Variants in ZYG11B observed in about 807,000 individuals in gnomAD.
ZYG11B encodes the protein zyg-11 family member B, cell cycle regulator.
ZYG11B carries 36 observed loss-of-function variants against 82.4 expected under a neutral mutation model. The ratio of observed to expected loss-of-function variants is 0.44; its 90% CI spans 0.33 to 0.58. The LOEUF is 0.58. Ranked by LOEUF, ZYG11B falls within the 20% of genes least tolerant of loss-of-function variation. The pLI is 0.02. For missense variants in ZYG11B, 552 were observed against 895.6 expected (o/e 0.62, Z 4.90); for synonymous variants, 303 against 312.8 (o/e 0.97, Z 0.33).
At position 52,796,511 on chromosome 1, in the gene ZYG11B, C is replaced by T. The variant is rs970512487; in HGVS notation, c.1434+120C>T. The stretch of plus-strand genomic sequence containing the variant: ...AAATCTCTCTGCCAGCCTGCTTATT[C>T]AAGCTACATTCGATATTGCAGAATT... On this transcript the variant is annotated intron_variant, in intron 7 of 13. Coordinates refer to ENST00000294353, the MANE Select transcript of ZYG11B (RefSeq NM_024646.3). 1.2e-5 allele frequency: 12 copies of T among 971,250 alleles called. No individual in the cohort carries two copies. In the Admixed American group the frequency reaches 2.3e-4, roughly 18 times the overall value. The allele number at this position is 971,250 out of a possible 1,614,324, so 60.2% of individuals were successfully genotyped here.
At chr1:52,797,126 TTA>T (rs1312051692) in intron 8 of ZYG11B, among the ~76,000 whole-genome samples, 1 of 67,954 alleles carries the variant, frequency 1.5e-5, no homozygotes, top group Non-Finnish European at 2.1e-5. Context: ...ATATTATATA[TTA>T]TATATTTATA....
chr1:52,817,777 G>GTGTGTATATATATATATA (rs1352242565), intron 13 of ZYG11B, among the ~76,000 whole-genome samples: 18 of 41,522 alleles, frequency 4.3e-4, no homozygotes, highest in Admixed American at 8.7e-4. Context: ...ATATATATGT[G>GTGTGTATATATATATATA]TATATATATA....
At chr1:52,745,078 A>G (rs1327573103) in intron 1 of ZYG11B, among the ~76,000 whole-genome samples, 2 of 152,224 alleles carry the variant, frequency 1.3e-5, no homozygotes, top group African/African-American at 4.8e-5. Context: ...TCTGAAGTCC[A>G]CAAGTGCTCA....
At chr1:52,727,484 T>TA (rs2149914798) in intron 1 of ZYG11B, among the ~76,000 whole-genome samples, 1 of 152,328 alleles carries the variant, frequency 6.6e-6, no homozygotes, top group African/African-American at 2.4e-5. Context: ...CAGAAATAGC[T>TA]AAAAAATGTT....
chr1:52,787,830 A>C (rs991777921), intron 5 of ZYG11B, among the ~76,000 whole-genome samples: 6 of 151,944 alleles, frequency 3.9e-5, no homozygotes, highest in Non-Finnish European at 8.8e-5. Context: ...TTCACCTATT[A>C]GTTGGAAATG....
intron 2 of ZYG11B, among the ~76,000 whole-genome samples, chr1:52,763,400 A>T (rs1307186880): frequency 6.6e-6 from 1 of 152,172 alleles, no homozygotes; most frequent in Non-Finnish European, 1.5e-5. Context: ...GTATAAAAGC[A>T]GTTTCTTTTA....
At chr1:52,730,594 G>A (rs1398785618) in intron 1 of ZYG11B, among the ~76,000 whole-genome samples, 1 of 152,206 alleles carries the variant, frequency 6.6e-6, no homozygotes, top group Non-Finnish European at 1.5e-5. Context: ...CTCCCAAAGT[G>A]CTGGGATTAC....
At chr1:52,813,408 C>T (rs1645200090) in intron 10 of ZYG11B, 128 bp from the exon 11 acceptor site, 1 of 715,666 alleles carries the variant, frequency 1.4e-6, no homozygotes, top group Admixed American at 3.0e-5. Flanking sequence ...CATTTGAATA[C>T]TTTCTCTCAG....
intron 10 of ZYG11B, among the ~76,000 whole-genome samples, 171 bp downstream of exon 10, chr1:52,802,310 G>A (rs1645081493): frequency 6.8e-6 from 1 of 147,612 alleles, no homozygotes; most frequent in African/African-American, 2.5e-5. Flanking sequence ...CTTGAAATAT[G>A]GTCTGCAATA....
intron 8 of ZYG11B, among the ~76,000 whole-genome samples, chr1:52,796,985 TA>T (rs67006429): frequency 0.13 from 11,757 of 92,886 alleles, 1,576 homozygotes; most frequent in African/African-American, 0.34. Context: ...TAAATATATA[TA>T]TTTTTTATAT....
intron 10 of ZYG11B, among the ~76,000 whole-genome samples, 169 bp from the exon 11 acceptor site, chr1:52,813,367 C>CT (rs1412913751): frequency 3.9e-5 from 6 of 152,196 alleles, no homozygotes; most frequent in Non-Finnish European, 5.9e-5. Context: ...TTGGCTTACT[C>CT]TTACCTTCAT....
intron 6 of ZYG11B, among the ~76,000 whole-genome samples, chr1:52,793,274 C>T (rs1164950390): frequency 6.6e-6 from 1 of 151,808 alleles, no homozygotes; most frequent in African/African-American, 2.4e-5. Flanking sequence ...TTTGGGAGGC[C>T]AAGACAAGTG....
At chr1:52,788,496 CAT>C (rs1329998356) in intron 5 of ZYG11B, among the ~76,000 whole-genome samples, 1 of 152,164 alleles carries the variant, frequency 6.6e-6, no homozygotes, top group Non-Finnish European at 1.5e-5. Flanking sequence ...TACAGAAACA[CAT>C]AATGTAGCAT....
chr1:52,731,738 T>G (rs183077408), intron 1 of ZYG11B, among the ~76,000 whole-genome samples: 2 of 152,016 alleles, frequency 1.3e-5, no homozygotes, highest in Non-Finnish European at 2.9e-5. Context: ...TAAAGTGATA[T>G]TGTGTGTGTG....
chr1:52,744,166 A>C (rs977269639), intron 1 of ZYG11B, among the ~76,000 whole-genome samples: 10 of 151,980 alleles, frequency 6.6e-5, no homozygotes, highest in African/African-American at 2.4e-4. Context: ...CAAACTCCTA[A>C]CCTTAAGTGA....
chr1:52,785,126 T>C, intron 5 of ZYG11B, 73 bp downstream of exon 5: 2 of 1,489,084 alleles, frequency 1.3e-6, no homozygotes, highest in Non-Finnish European at 1.8e-6. Flanking sequence ...TTCAGTTTAA[T>C]AGACCAAGGC....
intron 1 of ZYG11B, among the ~76,000 whole-genome samples, chr1:52,730,248 G>A (rs1000274462): frequency 6.6e-6 from 1 of 152,084 alleles, no homozygotes; most frequent in Non-Finnish European, 1.5e-5. Context: ...TTGACACTGG[G>A]GAAATGACAG....
At chr1:52,811,962 C>T (rs929428284) in intron 10 of ZYG11B, among the ~76,000 whole-genome samples, 1 of 151,812 alleles carries the variant, frequency 6.6e-6, no homozygotes, top group Admixed American at 6.6e-5. Flanking sequence ...ACCTGGGAGG[C>T]GGAGCTTGCA....
chr1:52,765,875 T>C (rs895529703), intron 2 of ZYG11B, among the ~76,000 whole-genome samples: 2 of 152,296 alleles, frequency 1.3e-5, no homozygotes, highest in African/African-American at 2.4e-5. Context: ...GACACAAATA[T>C]AGCTTTAGGT....
Sources: gnomAD v4.1 joint callset for allele counts (sites outside exome capture counted in the v4.1 genomes callset) on GRCh38, gnomAD v4.1.1 for gene constraint, MANE v1.5 for transcripts, NCBI Gene and HGNC (gene_info 2026-07-23, HGNC 2026-07-21) for gene names.